The following ALCAM variants were observed in gnomAD, a reference collection of about 807,000 sequenced individuals.
ALCAM encodes the protein activated leukocyte cell adhesion molecule, also known as CD166 antigen.
Under a neutral mutation model 70.9 loss-of-function variants are expected in ALCAM, and 30 were observed. That is an observed-to-expected ratio of 0.42 (90% CI 0.32 to 0.57). The LOEUF (loss-of-function observed/expected upper bound fraction) is 0.57, where lower values mean the gene tolerates loss of function less well. ALCAM is among the 20% of genes least tolerant of loss of function. The pLI, the probability that ALCAM is intolerant of heterozygous loss-of-function variation, is 0.11. For missense variants in ALCAM, 591 were observed against 695.1 expected (o/e 0.85, Z 1.68); for synonymous variants, 249 against 242.5 (o/e 1.03, Z -0.25).
At chr3:105,464,229 A>G (rs1433255490) in intron 1 of ALCAM, among the ~76,000 whole-genome samples, 2 of 151,354 alleles carry the variant, frequency 1.3e-5, no homozygotes, top group African/African-American at 4.8e-5. Flanking sequence ...GGAATTTTTG[A>G]CTATGAAATG....
chr3:105,550,335 C>A, intron 12 of ALCAM, 76 bp downstream of exon 12: 1 of 1,398,348 alleles, frequency 7.2e-7, no homozygotes, highest in Non-Finnish European at 9.8e-7. Flanking sequence ...ATCTTCAATT[C>A]CATCTTCCTG....
chr3:105,372,095 G>GA lies in ALCAM; in HGVS notation c.73+4621dup, dbSNP rs571899264. Among the ~76,000 whole-genome samples, 394 of 152,090 alleles carry GA rather than the reference G, an allele frequency of 2.6e-3. 1 individual carries two copies. The highest frequency in any genetic ancestry group is 6.8e-3 in the Middle Eastern group (2 of 294). On this transcript the variant is annotated intron_variant, in intron 1 of 15. Coordinates refer to ENST00000306107, the MANE Select transcript of ALCAM (RefSeq NM_001627.4). Reference sequence around the variant, plus strand: ...CTCAGTTTATTTTCAATAAGAAATGGAAAAAAATCCATTTATACTTTTGAT... The same window carrying GA: ...CTCAGTTTATTTTCAATAAGAAATGGAAAAAAAATCCATTTATACTTTTGAT...
At chr3:105,385,614 G>A (rs569945273) in intron 1 of ALCAM, among the ~76,000 whole-genome samples, 1 of 151,540 alleles carries the variant, frequency 6.6e-6, no homozygotes, top group Non-Finnish European at 1.5e-5. Context: ...ATTTCGAAGT[G>A]GGAAGAGCAA....
At chr3:105,381,867 G>A (rs1310878489) in intron 1 of ALCAM, among the ~76,000 whole-genome samples, 7 of 151,076 alleles carry the variant, frequency 4.6e-5, no homozygotes, top group African/African-American at 1.5e-4. Context: ...TCAGAGTGAT[G>A]TAAGATCTGA....
intron 1 of ALCAM, 40 bp from the exon 2 acceptor site, chr3:105,520,027 C>G: frequency 5.1e-6 from 7 of 1,371,344 alleles, no homozygotes; most frequent in African/African-American, 1.5e-5. Context: ...TTTGTTCTCT[C>G]TCTCTTTCTC....
chr3:105,411,038 G>A (rs1185173940), intron 1 of ALCAM, among the ~76,000 whole-genome samples: 1 of 151,902 alleles, frequency 6.6e-6, no homozygotes, highest in Non-Finnish European at 1.5e-5. Context: ...ATATAATATT[G>A]AAAGATATTT....
intron 14 of ALCAM, 140 bp downstream of exon 14, chr3:105,552,725 T>TTTTG (rs1940440218): frequency 6.7e-7 from 1 of 1,493,768 alleles, no homozygotes; most frequent in Non-Finnish European, 8.9e-7. Context: ...TGATTATATA[T>TTTTG]TTTGTTTCAA....
At chr3:105,411,584 G>A (rs530558986) in intron 1 of ALCAM, among the ~76,000 whole-genome samples, 15 of 152,116 alleles carry the variant, frequency 9.9e-5, no homozygotes, top group Middle Eastern at 3.4e-3. Flanking sequence ...TTTTCATAAC[G>A]CTCTTTGTAA....
intron 1 of ALCAM, among the ~76,000 whole-genome samples, chr3:105,460,808 G>T (rs1398909538): frequency 2.0e-5 from 3 of 151,940 alleles, no homozygotes; most frequent in African/African-American, 7.2e-5. Context: ...CATTGGTGAA[G>T]ATAAGAATTA....
chr3:105,379,495 C>A (rs1935460726), intron 1 of ALCAM, among the ~76,000 whole-genome samples: 1 of 151,190 alleles, frequency 6.6e-6, no homozygotes, highest in South Asian at 2.1e-4. Context: ...GAGAAAAAAA[C>A]ACGTGTTAAA....
At chr3:105,539,115 C>T (rs1364892409) in intron 6 of ALCAM, among the ~76,000 whole-genome samples, 1 of 152,016 alleles carries the variant, frequency 6.6e-6, no homozygotes, top group African/African-American at 2.4e-5. Context: ...TTGTGGAAAA[C>T]ATTCTATAAA....
intron 1 of ALCAM, among the ~76,000 whole-genome samples, chr3:105,443,699 A>G (rs1169098775): frequency 6.6e-6 from 1 of 152,228 alleles, no homozygotes; most frequent in Non-Finnish European, 1.5e-5. Context: ...TCCACTTAAA[A>G]AGGCACAGGC....
intron 1 of ALCAM, among the ~76,000 whole-genome samples, chr3:105,498,031 A>G (rs76835058): frequency 7.5e-6 from 1 of 132,788 alleles, no homozygotes; most frequent in South Asian, 2.3e-4. Context: ...ACTCTGCCTC[A>G]AAAAAAAAAA....
At chr3:105,558,224 G>A (rs1235841856) in intron 14 of ALCAM, among the ~76,000 whole-genome samples, 4 of 152,090 alleles carry the variant, frequency 2.6e-5, no homozygotes, top group Admixed American at 2.6e-4. Context: ...AGGCAGGGAT[G>A]CTCACGGAAA....
At chr3:105,529,261 A>T (rs1401034423) in intron 3 of ALCAM, among the ~76,000 whole-genome samples, 1 of 152,236 alleles carries the variant, frequency 6.6e-6, no homozygotes, top group Non-Finnish European at 1.5e-5. Flanking sequence ...AATTTGGCTT[A>T]AATCATTGCC....
At chr3:105,553,386 G>A (rs774541820) in intron 14 of ALCAM, among the ~76,000 whole-genome samples, 22 of 151,712 alleles carry the variant, frequency 1.5e-4, no homozygotes, top group Admixed American at 4.6e-4. Context: ...GTGATTCTGC[G>A]GCATGCTGCT....
intron 1 of ALCAM, among the ~76,000 whole-genome samples, chr3:105,458,985 C>A (rs1937568950): frequency 6.6e-6 from 1 of 152,116 alleles, no homozygotes; most frequent in African/African-American, 2.4e-5. Flanking sequence ...AAGCCAAATT[C>A]TTTTCTCACT....
At chr3:105,379,371 A>G (rs1363475350) in intron 1 of ALCAM, among the ~76,000 whole-genome samples, 18 of 151,982 alleles carry the variant, frequency 1.2e-4, no homozygotes, top group Non-Finnish European at 1.5e-5. Flanking sequence ...TTTTATTAGA[A>G]TGTTTCATAA....
intron 3 of ALCAM, among the ~76,000 whole-genome samples, chr3:105,526,589 C>T (rs1348845698): frequency 6.6e-6 from 1 of 152,198 alleles, no homozygotes; most frequent in Non-Finnish European, 1.5e-5. Context: ...ACAAGTTACA[C>T]ACTCTTGAAA....
Sources: allele counts gnomAD v4.1 joint callset (sites outside exome capture counted in the v4.1 genomes callset), GRCh38; gene constraint gnomAD v4.1.1; transcripts MANE v1.5; gene names NCBI Gene and HGNC (gene_info 2026-07-23, HGNC 2026-07-21).